Variants in PTPRE observed in about 807,000 individuals in gnomAD.
PTPRE encodes the protein receptor-type tyrosine-protein phosphatase epsilon.
In PTPRE, 51 loss-of-function variants were observed where a neutral mutation model predicts 102.0. The observed-to-expected ratio is 0.50, with a 90% CI of 0.40 to 0.63. The LOEUF is 0.63. Among genes scored for constraint, PTPRE ranks in the 30% least tolerant of loss-of-function variants. The pLI, the probability that PTPRE is intolerant of heterozygous loss-of-function variation, is 0.00. For synonymous variants in PTPRE, 345 were observed against 348.2 expected, an observed-to-expected ratio of 0.99 and a Z score of 0.10; for missense variants, 752 against 915.1, an observed-to-expected ratio of 0.82 and a Z score of 2.30.
intron 9 of PTPRE, among the ~76,000 whole-genome samples, 155 bp downstream of exon 9, chr10:128,061,870 A>G (rs775922459): frequency 3.9e-5 from 6 of 152,212 alleles, no homozygotes; most frequent in African/African-American, 7.2e-5. Context: ...CACAACGGAT[A>G]TGTGTAGTCA....
intron 1 of PTPRE, among the ~76,000 whole-genome samples, chr10:127,975,342 T>G (rs1205972797): frequency 6.6e-6 from 1 of 152,202 alleles, no homozygotes; most frequent in Non-Finnish European, 1.5e-5. Flanking sequence ...TCCGTGCCAA[T>G]CTCATCAGCA....
intron 1 of PTPRE, among the ~76,000 whole-genome samples, chr10:127,955,218 AATGAAGG>A: frequency 6.6e-6 from 1 of 152,154 alleles, no homozygotes; most frequent in African/African-American, 2.4e-5. Flanking sequence ...GCTCTTCAGG[AATGAAGG>A]TTTAGGTAAC....
At chr10:128,040,426 G>A (rs1847579478) in intron 2 of PTPRE, among the ~76,000 whole-genome samples, 1 of 152,146 alleles carries the variant, frequency 6.6e-6, no homozygotes, top group African/African-American at 2.4e-5. Context: ...TGTCTTGCTG[G>A]GTGTGAAGAG....
chr10:127,992,333 C>A (rs1483072198), intron 2 of PTPRE, among the ~76,000 whole-genome samples: 1 of 152,176 alleles, frequency 6.6e-6, no homozygotes, highest in African/African-American at 2.4e-5. Context: ...TCCCTAGCTG[C>A]TCAGTGGAGT....
intron 2 of PTPRE, among the ~76,000 whole-genome samples, chr10:127,982,972 G>A (rs893242948): frequency 9.2e-5 from 14 of 152,222 alleles, no homozygotes; most frequent in Non-Finnish European, 1.5e-5. Context: ...TGTCTGCAGC[G>A]TGCAGGTGAG....
intron 12 of PTPRE, 114 bp downstream of exon 12, chr10:128,068,400 G>C: frequency 8.0e-7 from 1 of 1,243,398 alleles, no homozygotes; most frequent in Non-Finnish European, 1.1e-6. Context: ...GTTTGGGCAG[G>C]GCTGATGTGA....
At chr10:128,076,503 A>G in intron 17 of PTPRE, 100 bp from the exon 18 acceptor site, 1 of 1,275,756 alleles carries the variant, frequency 7.8e-7, no homozygotes, top group South Asian at 1.6e-5. Flanking sequence ...GTCAGATGAA[A>G]TACATTAACT....
At chr10:127,955,307 T>TACAC (rs1363003420) in intron 1 of PTPRE, among the ~76,000 whole-genome samples, 1 of 151,984 alleles carries the variant, frequency 6.6e-6, no homozygotes, top group Non-Finnish European at 1.5e-5. Context: ...CATACATACA[T>TACAC]ACATACATAC....
chr10:128,033,452 G>A (rs1447376614), intron 2 of PTPRE, among the ~76,000 whole-genome samples: 4 of 152,102 alleles, frequency 2.6e-5, no homozygotes, highest in Non-Finnish European at 5.9e-5. Flanking sequence ...AATACAACTT[G>A]GATGTTCCTC....
At chr10:128,016,001 A>G (rs1187438588) in intron 2 of PTPRE, among the ~76,000 whole-genome samples, 3 of 152,206 alleles carry the variant, frequency 2.0e-5, no homozygotes, top group Non-Finnish European at 2.9e-5. Flanking sequence ...GCTCAAGGGC[A>G]GGCAAGGGCA....
intron 16 of PTPRE, 130 bp downstream of exon 16, chr10:128,072,344 C>A: frequency 3.5e-6 from 3 of 855,752 alleles, no homozygotes; most frequent in Admixed American, 3.0e-5. Flanking sequence ...TTTTTGTTAG[C>A]AGAATTACTT....
intron 12 of PTPRE, chr10:128,069,001 C>G (rs1222804280): frequency 6.6e-6 from 1 of 152,416 alleles, no homozygotes; most frequent in Non-Finnish European, 1.5e-5. Flanking sequence ...CAGACAGGTT[C>G]ATTCTGAGTA....
chr10:128,060,944 C>T lies in PTPRE; in HGVS notation c.517C>T (p.His173Tyr). Residue 173 changes from histidine (H) to tyrosine (Y), a missense_variant, in exon 8 of 21, where the codon CAT (histidine) becomes TAT (tyrosine). Physicochemically the swap from His to Tyr is moderately conservative, Grantham distance 83 (BLOSUM62 2). This residue lies in a region of PTPRE where 636 missense variants were observed against 824.4 expected (regional missense o/e 0.77). Transcript: ENST00000254667. ...NRYPNILPND[H>Y]SRVILSQLDG... The stretch of plus-strand genomic sequence containing the variant: ...TGTTTGGGTTTTTTTTCCAGATGAC[C>T]ATTCTAGGGTGATTCTGAGCCAACT... 6.2e-7 allele frequency: 1 copy of T among 1,613,956 alleles called. No homozygotes were observed.
chr10:128,079,181 T>A (rs1851483444), intron 19 of PTPRE, among the ~76,000 whole-genome samples: 1 of 152,102 alleles, frequency 6.6e-6, no homozygotes, highest in Non-Finnish European at 1.5e-5. Context: ...AGACCTGAAC[T>A]GGGAGGGTTT....
intron 11 of PTPRE, among the ~76,000 whole-genome samples, chr10:128,066,952 C>T (rs1444196051): frequency 8.0e-6 from 1 of 125,558 alleles, no homozygotes; most frequent in Non-Finnish European, 1.9e-5. Context: ...GCACATACAC[C>T]CACACACAGG....
chr10:128,075,193 T>A (rs1319604424), intron 17 of PTPRE, among the ~76,000 whole-genome samples: 1 of 152,236 alleles, frequency 6.6e-6, no homozygotes. Context: ...ACAAACTATA[T>A]CCTGCATTAG....
At chr10:128,034,325 A>ACCCCCC (rs58597055) in intron 2 of PTPRE, among the ~76,000 whole-genome samples, 6 of 147,046 alleles carry the variant, frequency 4.1e-5, no homozygotes, top group African/African-American at 1.0e-4. Flanking sequence ...CCTCCACACC[A>ACCCCCC]CCCCCCCCAC....
intron 2 of PTPRE, among the ~76,000 whole-genome samples, chr10:128,015,905 G>T (rs956977019): frequency 1.3e-5 from 2 of 152,192 alleles, no homozygotes; most frequent in African/African-American, 4.8e-5. Flanking sequence ...ATGGGCTGCG[G>T]TGCCCATGAG....
chr10:127,939,439 T>C (rs1848061843), intron 1 of PTPRE, among the ~76,000 whole-genome samples: 2 of 152,210 alleles, frequency 1.3e-5, no homozygotes, highest in South Asian at 2.1e-4. Flanking sequence ...ATTTTAAGTC[T>C]AGTTATTCCA....
Sources: gnomAD v4.1 joint callset for allele counts (sites outside exome capture counted in the v4.1 genomes callset) on GRCh38, gnomAD v4.1.1 for gene constraint, gnomAD v4.1.1 regional missense constraint, MANE v1.5 for transcripts, NCBI Gene and HGNC (gene_info 2026-07-23, HGNC 2026-07-21) for gene names.